CAMK2D: variants seen among roughly 807,000 people sequenced by gnomAD.
The protein encoded by CAMK2D is calcium/calmodulin dependent protein kinase II delta.
A neutral mutation model predicts 84.0 loss-of-function variants in CAMK2D; 37 were observed. The observed-to-expected ratio is 0.44, with a 90% CI of 0.34 to 0.58. CAMK2D has a LOEUF of 0.58. CAMK2D is among the 20% of genes least tolerant of loss of function. CAMK2D has a pLI of 0.02. For synonymous variants in CAMK2D, 202 were observed against 212.5 expected (o/e 0.95, Z 0.43); for missense variants, 448 against 652.5 (o/e 0.69, Z 3.41).
At chr4:113,760,687 G>A (rs751131630) in intron 1 of CAMK2D, among the ~76,000 whole-genome samples, 6 of 151,944 alleles carry the variant, frequency 3.9e-5, no homozygotes, top group Non-Finnish European at 7.4e-5. Flanking sequence ...AGGCGCGCGC[G>A]CACACTTCTC....
intron 15 of CAMK2D, among the ~76,000 whole-genome samples, chr4:113,501,232 A>G (rs1314746915): frequency 6.6e-6 from 1 of 150,670 alleles, no homozygotes; most frequent in Admixed American, 6.8e-5. Context: ...TTGTAAAACT[A>G]CAAATTAAGT....
chr4:113,554,109 T>G (rs1591144913), intron 4 of CAMK2D, among the ~76,000 whole-genome samples: 1 of 152,134 alleles, frequency 6.6e-6, no homozygotes, highest in Non-Finnish European at 1.5e-5. Flanking sequence ...TCCTTAAACA[T>G]GTTATTTGGC....
intron 2 of CAMK2D, among the ~76,000 whole-genome samples, chr4:113,671,022 A>T (rs548920673): frequency 1.3e-5 from 2 of 152,144 alleles, no homozygotes; most frequent in East Asian, 1.9e-4. Flanking sequence ...ACAAGAGAAC[A>T]CTTACTTCAG....
intron 2 of CAMK2D, among the ~76,000 whole-genome samples, chr4:113,721,115 T>A (rs1048773108): frequency 3.3e-5 from 5 of 152,058 alleles, no homozygotes; most frequent in Non-Finnish European, 5.9e-5. Flanking sequence ...TACTAAGCAG[T>A]CAGGAAGGAA....
intron 2 of CAMK2D, among the ~76,000 whole-genome samples, chr4:113,736,303 G>C (rs944038472): frequency 1.3e-5 from 2 of 151,986 alleles, no homozygotes; most frequent in Admixed American, 1.3e-4. Context: ...ACTCTATCTA[G>C]TGTTAGACAC....
At chr4:113,457,654 A>T in intron 18 of CAMK2D, 91 bp from the exon 19 acceptor site, 1 of 914,898 alleles carries the variant, frequency 1.1e-6, no homozygotes. Flanking sequence ...AATGAATGAA[A>T]TGACATTTAT....
At chr4:113,471,951 A>G (rs1589812912) in intron 16 of CAMK2D, among the ~76,000 whole-genome samples, 1 of 152,094 alleles carries the variant, frequency 6.6e-6, no homozygotes. Context: ...CAAGGGGCTC[A>G]CCTTTCCTCA....
chr4:113,621,267 T>A (rs185894349), intron 3 of CAMK2D, among the ~76,000 whole-genome samples: 2 of 152,330 alleles, frequency 1.3e-5, no homozygotes, highest in South Asian at 4.1e-4. Context: ...GGTCTGAATA[T>A]GCATTTTAAT....
intron 3 of CAMK2D, among the ~76,000 whole-genome samples, chr4:113,640,053 G>A (rs2099126117): frequency 2.0e-5 from 3 of 151,902 alleles, no homozygotes; most frequent in African/African-American, 7.3e-5. Flanking sequence ...GCAAGGGAAG[G>A]AGAGGTAGAG....
At chr4:113,576,441 A>C (rs181209808) in intron 4 of CAMK2D, among the ~76,000 whole-genome samples, 24 of 152,298 alleles carry the variant, frequency 1.6e-4, no homozygotes, top group Middle Eastern at 3.4e-3. Context: ...AGAAAAAGCT[A>C]TCTTAAATCC....
intron 11 of CAMK2D, 99 bp from the exon 12 acceptor site, chr4:113,513,469 C>T (rs2098245623): frequency 2.4e-6 from 2 of 832,274 alleles, no homozygotes; most frequent in African/African-American, 1.7e-5. Context: ...CCTGGCCCTA[C>T]TTTCAGTTAG....
At chr4:113,571,410 A>C (rs931868137) in intron 4 of CAMK2D, among the ~76,000 whole-genome samples, 3 of 152,222 alleles carry the variant, frequency 2.0e-5, no homozygotes, top group Non-Finnish European at 4.4e-5. Flanking sequence ...TGTGTGGATA[A>C]AGATAATATG....
chr4:113,536,909 CAT>C (rs1398487179), intron 7 of CAMK2D, among the ~76,000 whole-genome samples: 13 of 152,068 alleles, frequency 8.5e-5, no homozygotes, highest in Non-Finnish European at 1.6e-4. Context: ...ATCTTTAAAT[CAT>C]AAATCATAAA....
chr4:113,628,170 G>A (rs1326977657), intron 3 of CAMK2D, among the ~76,000 whole-genome samples: 2 of 152,092 alleles, frequency 1.3e-5, no homozygotes, highest in Non-Finnish European at 2.9e-5. Flanking sequence ...TTATAAGTTT[G>A]CATTTTGTAG....
intron 2 of CAMK2D, chr4:113,755,234 C>G (rs982923942): frequency 7.5e-5 from 15 of 201,022 alleles, no homozygotes; most frequent in African/African-American, 1.4e-4. Flanking sequence ...ATAGATGAGG[C>G]CTAATTTTGC....
At chr4:113,758,080 T>A (rs2099632683) in intron 2 of CAMK2D, among the ~76,000 whole-genome samples, 1 of 152,208 alleles carries the variant, frequency 6.6e-6, no homozygotes, top group African/African-American at 2.4e-5. Flanking sequence ...TTCATTTTTT[T>A]AAATTAAAAT....
chr4:113,636,360 C>A (rs2099109792), intron 3 of CAMK2D, among the ~76,000 whole-genome samples: 1 of 152,242 alleles, frequency 6.6e-6, no homozygotes, highest in South Asian at 2.1e-4. Context: ...ATTACTCCAA[C>A]TGTCTCCTAG....
At chr4:113,606,341 G>A (rs72892173) in intron 4 of CAMK2D, among the ~76,000 whole-genome samples, 17,666 of 151,722 alleles carry the variant, frequency 0.12, 3,200 homozygotes, top group African/African-American at 0.38. Flanking sequence ...ATGGTGGCGC[G>A]CGCCTGTAAT....
intron 2 of CAMK2D, among the ~76,000 whole-genome samples, chr4:113,695,614 G>T (rs543123183): frequency 6.6e-6 from 1 of 151,810 alleles, no homozygotes; most frequent in Non-Finnish European, 1.5e-5. Context: ...GCTCCTATGG[G>T]GTCTGCTTTC....
Sources: gnomAD v4.1 joint callset for allele counts (sites outside exome capture counted in the v4.1 genomes callset) on GRCh38, gnomAD v4.1.1 for gene constraint, MANE v1.5 for transcripts, NCBI Gene and HGNC (gene_info 2026-07-23, HGNC 2026-07-21) for gene names.